RBFOX1: variants seen among roughly 807,000 people sequenced by gnomAD.
RBFOX1 encodes RNA binding fox-1 homolog 1.
A neutral mutation model predicts 57.7 loss-of-function variants in RBFOX1; 8 were observed. The ratio of observed to expected loss-of-function variants is 0.14; its 90% CI spans 0.08 to 0.25. The LOEUF is 0.25. RBFOX1 is among the 10% of genes least tolerant of loss of function. The pLI, the probability that RBFOX1 is intolerant of heterozygous loss-of-function variation, is 1.00. For synonymous variants in RBFOX1, 326 were observed against 222.4 expected, an observed-to-expected ratio of 1.47 and a Z score of -4.15; for missense variants, 611 against 548.5, an observed-to-expected ratio of 1.11 and a Z score of -1.14.
chr16:6,179,836 A>G (rs954550441), intron 1 of RBFOX1, among the ~76,000 whole-genome samples: 3 of 152,208 alleles, frequency 2.0e-5, no homozygotes, highest in African/African-American at 7.2e-5. Context: ...GGGTTTCACC[A>G]TTTAGTGTGA....
Position 7,480,846 on chromosome 16 carries a change from C to G in RBFOX1, c.28-37301C>G, listed in dbSNP as rs2063756803. ...GAAAGCAGCTGGGAATTGAAACAGCCTCTTGGATAAAAGTTGTCCTCCTGG... is the reference window on the plus strand; with the variant it reads ...GAAAGCAGCTGGGAATTGAAACAGCGTCTTGGATAAAAGTTGTCCTCCTGG... On this transcript the variant is annotated intron_variant, in intron 4 of 15. Transcript: ENST00000550418. 2.0e-5 allele frequency among the ~76,000 whole-genome samples: 3 copies of G among 152,118 alleles called. No individual in the cohort carries two copies. The South Asian group carries it at 6.2e-4, about 32-fold the overall frequency.
At chr16:5,956,659 TATATATATATATATATATA>T (rs1567189711) in intron 4 of RBFOX1, among the ~76,000 whole-genome samples, 5 of 71,798 alleles carry the variant, frequency 7.0e-5, no homozygotes, top group African/African-American at 1.4e-4. Flanking sequence ...TATATATATT[TATATATATATATATATATA>T]TTTTTTTTGA....
intron 2 of RBFOX1, among the ~76,000 whole-genome samples, chr16:6,384,287 T>C (rs1454987157): frequency 1.3e-5 from 2 of 152,200 alleles, no homozygotes; most frequent in African/African-American, 4.8e-5. Context: ...TGAAATGTGA[T>C]TTGAATCCAA....
intron 4 of RBFOX1, among the ~76,000 whole-genome samples, chr16:7,401,987 A>T (rs1197552215): frequency 6.6e-6 from 1 of 152,310 alleles, no homozygotes; most frequent in African/African-American, 2.4e-5. Context: ...CAGCAGGTAG[A>T]TGTTCTTTTC....
At chr16:5,584,091 T>C (rs1370372404) in intron 2 of RBFOX1, among the ~76,000 whole-genome samples, 1 of 152,234 alleles carries the variant, frequency 6.6e-6, no homozygotes, top group Non-Finnish European at 1.5e-5. Flanking sequence ...TGTGGGTTAC[T>C]GACAACTCCT....
intron 1 of RBFOX1, among the ~76,000 whole-genome samples, chr16:5,251,087 C>G (rs569141579): frequency 1.7e-3 from 260 of 151,902 alleles, no homozygotes; most frequent in African/African-American, 5.8e-3. Context: ...TGGGGGGGTC[C>G]CAGCCCCTAC....
At chr16:5,709,839 ATATATTTTTTTTTTTTTTT>A (rs1206313833) in intron 3 of RBFOX1, among the ~76,000 whole-genome samples, 16 of 6,532 alleles carry the variant, frequency 2.4e-3, no homozygotes, top group Non-Finnish European at 4.7e-3. Context: ...ATATATATAT[ATATATTTTTTTTTTTTTTT>A]TTTTTTTTTT....
chr16:7,019,978 TC>T (rs1439395838), intron 3 of RBFOX1, among the ~76,000 whole-genome samples: 3 of 146,818 alleles, frequency 2.0e-5, no homozygotes, highest in African/African-American at 5.3e-5. Context: ...TCTGGCTCTC[TC>T]TTTTTTTTTT....
chr16:6,951,718 C>T (rs1326817455), intron 3 of RBFOX1, among the ~76,000 whole-genome samples: 1 of 152,122 alleles, frequency 6.6e-6, no homozygotes, highest in African/African-American at 2.4e-5. Flanking sequence ...CAAGGAGAGA[C>T]TCCACACTTC....
At chr16:5,922,178 C>T (rs1457236714) in intron 4 of RBFOX1, among the ~76,000 whole-genome samples, 2 of 151,980 alleles carry the variant, frequency 1.3e-5, no homozygotes, top group Admixed American at 6.6e-5. Context: ...AAACAAACCC[C>T]CAAACCCTAG....
At position 7,469,962 on chromosome 16, in the gene RBFOX1, T is replaced by A. The variant is rs1490462253; in HGVS notation, c.28-48185T>A. Among the ~76,000 whole-genome samples, 4 of 152,172 alleles carry A rather than the reference T, an allele frequency of 2.6e-5. No homozygotes were observed. In the East Asian group the frequency reaches 7.7e-4, roughly 29 times the overall value. On this transcript the variant is annotated intron_variant, in intron 4 of 15. Coordinates refer to ENST00000550418, the MANE Select transcript of RBFOX1 (RefSeq NM_018723.4). ...CTTTTTGTGACTGGCTTATTTCTCT[T>A]AGCATAACGTCTTCAAGGTACATTG...
At chr16:5,333,380 G>C (rs1300275414) in intron 1 of RBFOX1, among the ~76,000 whole-genome samples, 1 of 152,220 alleles carries the variant, frequency 6.6e-6, no homozygotes, top group East Asian at 1.9e-4. Flanking sequence ...GACAATGGCA[G>C]AGTTGAGTAA....
At chr16:7,014,117 A>G (rs539368239) in intron 3 of RBFOX1, among the ~76,000 whole-genome samples, 1 of 152,352 alleles carries the variant, frequency 6.6e-6, no homozygotes, top group Admixed American at 6.5e-5. Context: ...GGGACAGGCA[A>G]TTGTGTATGC....
chr16:6,179,819 C>T (rs1598115246), intron 1 of RBFOX1, among the ~76,000 whole-genome samples: 2 of 152,176 alleles, frequency 1.3e-5, no homozygotes, highest in South Asian at 4.1e-4. Context: ...TTGGGAGCAG[C>T]GTAGTTGGGT....
intron 3 of RBFOX1, among the ~76,000 whole-genome samples, chr16:6,981,417 A>T (rs998827606): frequency 6.6e-6 from 1 of 152,172 alleles, no homozygotes; most frequent in Non-Finnish European, 1.5e-5. Flanking sequence ...CCTGCAAAGG[A>T]CATCATCTTA....
intron 4 of RBFOX1, among the ~76,000 whole-genome samples, chr16:7,271,231 C>G (rs79823821): frequency 1.3e-3 from 193 of 152,192 alleles, no homozygotes; most frequent in Middle Eastern, 6.8e-3. Context: ...TTGCCTTTGT[C>G]TACACGTGTT....
intron 3 of RBFOX1, among the ~76,000 whole-genome samples, chr16:5,630,649 A>G (rs1395551532): frequency 2.0e-5 from 3 of 152,078 alleles, no homozygotes; most frequent in Non-Finnish European, 4.4e-5. Flanking sequence ...CAGTGCCCTC[A>G]TCAACCAGCG....
intron 3 of RBFOX1, among the ~76,000 whole-genome samples, chr16:6,671,389 C>T (rs1254220343): frequency 6.6e-6 from 1 of 152,200 alleles, no homozygotes; most frequent in East Asian, 1.9e-4. Flanking sequence ...TTGACCATGT[C>T]TAAAATTTGC....
chr16:6,578,125 C>T (rs1359851907), intron 2 of RBFOX1, among the ~76,000 whole-genome samples: 2 of 152,128 alleles, frequency 1.3e-5, no homozygotes, highest in African/African-American at 4.8e-5. Context: ...TGGAAACAGA[C>T]AAGTAAAACG....
Sources: allele counts gnomAD v4.1 joint callset (sites outside exome capture counted in the v4.1 genomes callset), GRCh38; gene constraint gnomAD v4.1.1; transcripts MANE v1.5; gene names NCBI Gene and HGNC (gene_info 2026-07-23, HGNC 2026-07-21).